PARG: variants seen among roughly 807,000 people sequenced by gnomAD.
PARG encodes the protein mitochondrial poly(ADP-ribose) glycohydrolase.
In PARG, 35 loss-of-function variants were observed where a neutral mutation model predicts 113.0. That is an observed-to-expected ratio of 0.31 (90% CI 0.24 to 0.41). The LOEUF (loss-of-function observed/expected upper bound fraction) is 0.41, where lower values mean the gene tolerates loss of function less well. PARG is among the 10% of genes least tolerant of loss of function. The probability of loss-of-function intolerance (pLI) is 1.00; values close to 1 mark genes in which losing one functional copy is unlikely to be tolerated. For missense variants in PARG, 797 were observed against 1,169.4 expected (o/e 0.68, Z 4.64); for synonymous variants, 330 against 409.9 (o/e 0.81, Z 2.36).
chr10:49,920,610 A>G (rs1179630131), intron 6 of PARG, among the ~76,000 whole-genome samples: 1 of 146,034 alleles, frequency 6.8e-6, no homozygotes, highest in Non-Finnish European at 1.5e-5. Context: ...ATACGTACAT[A>G]TATACGTATA....
rs1197402048 is a variant in PARG at position 49,852,087 on chromosome 10, T to G, written c.2353+5219A>C. On this transcript the variant is annotated intron_variant, in intron 13 of 17. Coordinates refer to ENST00000616448, the MANE Select transcript of PARG (RefSeq NM_003631.5). The stretch of plus-strand genomic sequence containing the variant: ...TTAGCTCACTGAGCTGGATGCATCA[T>G]TGAAGGAACGGAATTGATCAGGCAG... Among the ~76,000 whole-genome samples the G allele has an allele frequency of 2.0e-5, 3 of 152,338 alleles. No homozygotes were observed. In the East Asian group the frequency reaches 5.8e-4, roughly 29 times the overall value.
Position 49,861,678 on chromosome 10 carries a change from G to A in PARG, c.2130-15C>T, listed in dbSNP as rs202072542. ...GTTTTTCACATCTACAATATAAAAA[G>A]ACATTCCCTTATTTATTATTTTAAT... On this transcript the variant is annotated splice_polypyrimidine_tract_variant and intron_variant, in intron 11 of 17. Transcript: ENST00000616448. 59 of 846,126 alleles carry A rather than the reference G, an allele frequency of 7.0e-5. No homozygotes were observed. The highest frequency in any genetic ancestry group is 8.4e-5 in the Non-Finnish European group (42 of 502,960). The allele number at this position is 846,126 out of a possible 1,614,324, so 52.4% of individuals were successfully genotyped here. A position where few individuals can be genotyped will look rare whatever the true frequency, so the allele number is the denominator to read the frequency against.
At chr10:49,829,465 C>T (rs2132384378) in intron 16 of PARG, among the ~76,000 whole-genome samples, 1 of 152,002 alleles carries the variant, frequency 6.6e-6, no homozygotes, top group East Asian at 1.9e-4. Context: ...ATGTTACCCA[C>T]CATGAACATT....
At chr10:49,897,963 G>A (rs1179949670) in intron 7 of PARG, among the ~76,000 whole-genome samples, 5 of 152,154 alleles carry the variant, frequency 3.3e-5, no homozygotes, top group South Asian at 2.1e-4. Flanking sequence ...CTGCACCTCC[G>A]GCCTGGGTGA....
chr10:49,836,730 T>C (rs1844954504), intron 15 of PARG, among the ~76,000 whole-genome samples: 1 of 152,224 alleles, frequency 6.6e-6, no homozygotes, highest in Admixed American at 6.5e-5. Flanking sequence ...AAATACTGAC[T>C]GGTTTTGTTT....
chr10:49,832,567 C>T (rs1844724527), intron 16 of PARG, among the ~76,000 whole-genome samples: 1 of 152,178 alleles, frequency 6.6e-6, no homozygotes, highest in African/African-American at 2.4e-5. Flanking sequence ...TCTTTCAATA[C>T]TCAACAAAAT....
At chr10:49,819,982 T>C (rs761873096) in intron 17 of PARG, among the ~76,000 whole-genome samples, 183 bp downstream of exon 17, 1 of 152,224 alleles carries the variant, frequency 6.6e-6, no homozygotes, top group Non-Finnish European at 1.5e-5. Context: ...AGACTGTGGA[T>C]GAAACTCTGC....
intron 7 of PARG, among the ~76,000 whole-genome samples, chr10:49,912,178 T>C (rs1421840048): frequency 2.0e-5 from 3 of 152,042 alleles, no homozygotes; most frequent in South Asian, 2.1e-4. Flanking sequence ...TGCATGCCTG[T>C]AGTCCCAGCT....
intron 11 of PARG, among the ~76,000 whole-genome samples, chr10:49,862,184 T>G (rs1191603765): frequency 5.3e-5 from 8 of 151,504 alleles, no homozygotes; most frequent in African/African-American, 1.9e-4. Context: ...ACAGATAAAC[T>G]TAGTACCTGT....
At chr10:49,842,103 C>A (rs1440948078) in intron 14 of PARG, 45 bp from the exon 15 acceptor site, 3 of 1,334,698 alleles carry the variant, frequency 2.2e-6, no homozygotes, top group African/African-American at 2.9e-5. Context: ...AACAGGTAGT[C>A]GCTCAAATAA....
chr10:49,856,459 C>T (rs1419939191), intron 13 of PARG, among the ~76,000 whole-genome samples: 2 of 152,318 alleles, frequency 1.3e-5, no homozygotes, highest in East Asian at 3.9e-4. Flanking sequence ...GGATTACAGG[C>T]ATGAACTATC....
At chr10:49,836,238 T>G (rs1214254033) in intron 15 of PARG, among the ~76,000 whole-genome samples, 1 of 150,850 alleles carries the variant, frequency 6.6e-6, no homozygotes, top group Non-Finnish European at 1.5e-5. Flanking sequence ...CTATACTTCT[T>G]TAACTTAATA....
chr10:49,896,516 C>G (rs1848096378), intron 7 of PARG, among the ~76,000 whole-genome samples: 1 of 152,154 alleles, frequency 6.6e-6, no homozygotes, highest in Non-Finnish European at 1.5e-5. Flanking sequence ...AACTCCTAAC[C>G]TCAGGTGATC....
chr10:49,830,140 C>T (rs1325322829), intron 16 of PARG, among the ~76,000 whole-genome samples: 1 of 152,042 alleles, frequency 6.6e-6, no homozygotes, highest in Non-Finnish European at 1.5e-5. Flanking sequence ...GTCTGAAAGG[C>T]TTTTAAGCCA....
chr10:49,829,021 G>C (rs1417339740), intron 16 of PARG, among the ~76,000 whole-genome samples: 2 of 152,160 alleles, frequency 1.3e-5, no homozygotes, highest in Admixed American at 1.3e-4. Context: ...TGAATCATTA[G>C]GTCAGGAGTT....
chr10:49,829,275 T>C (rs1245998506), intron 16 of PARG, among the ~76,000 whole-genome samples: 3 of 152,112 alleles, frequency 2.0e-5, no homozygotes, highest in African/African-American at 7.2e-5. Context: ...TCTTTTGTAA[T>C]TTTCTTTTTT....
At chr10:49,856,435 C>T (rs1298726251) in intron 13 of PARG, among the ~76,000 whole-genome samples, 2 of 152,118 alleles carry the variant, frequency 1.3e-5, no homozygotes, top group African/African-American at 4.8e-5. Context: ...CTGCCTTGGC[C>T]TCCCAAAGCG....
At chr10:49,887,519 T>G (rs1373671279) in intron 7 of PARG, among the ~76,000 whole-genome samples, 1 of 152,220 alleles carries the variant, frequency 6.6e-6, no homozygotes, top group African/African-American at 2.4e-5. Context: ...TGAAAAATTT[T>G]GCCATGTTAC....
chr10:49,920,459 A>AT (rs1837736874), intron 6 of PARG, among the ~76,000 whole-genome samples: 4 of 50,610 alleles, frequency 7.9e-5, no homozygotes, highest in South Asian at 6.6e-4. Flanking sequence ...ATTAAAAAAA[A>AT]AAAAATATAT....
Sources: allele counts gnomAD v4.1 joint callset (sites outside exome capture counted in the v4.1 genomes callset), GRCh38; gene constraint gnomAD v4.1.1; transcripts MANE v1.5; gene names NCBI Gene and HGNC (gene_info 2026-07-23, HGNC 2026-07-21).